Variants in ZNF140 observed in about 807,000 individuals in gnomAD.
ZNF140 encodes zinc finger protein 140 (clone pHZ-39).
Under a neutral mutation model 12.9 loss-of-function variants are expected in ZNF140, and 13 were observed. The observed-to-expected ratio is 1.01, with a 90% confidence interval of 0.66 to 1.60. The LOEUF is 1.60. Ranked by LOEUF, ZNF140 falls within the 40% of genes most tolerant of loss-of-function variation. The pLI, the probability that ZNF140 is intolerant of heterozygous loss-of-function variation, is 0.00. For missense variants in ZNF140, 531 were observed against 548.8 expected, an observed-to-expected ratio of 0.97 and a Z score of 0.32; for synonymous variants, 214 against 186.7, an observed-to-expected ratio of 1.15 and a Z score of -1.19.
At position 133,098,492 on chromosome 12, in the gene ZNF140, G is replaced by C. The variant is rs369073605; in HGVS notation, c.233-7018G>C. Among the ~76,000 whole-genome samples, 3 of 152,100 alleles carry C rather than the reference G, an allele frequency of 2.0e-5. No homozygotes were observed. The South Asian group carries it at 6.2e-4, about 32-fold the overall frequency. ...TGACCTTAAGTAATCCACCTGCCTTGGCCTCCCAAAGTGCTAGGATTACAG... is the reference window on the plus strand; with the variant it reads ...TGACCTTAAGTAATCCACCTGCCTTCGCCTCCCAAAGTGCTAGGATTACAG... On this transcript the variant is annotated intron_variant, in intron 4 of 4. Transcript: ENST00000355557.
intron 4 of ZNF140, among the ~76,000 whole-genome samples, chr12:133,091,420 A>T (rs1434444931): frequency 6.6e-6 from 1 of 151,458 alleles, no homozygotes; most frequent in East Asian, 1.9e-4. Flanking sequence ...GGGGAAAGCT[A>T]CAAATTAACA....
At chr12:133,095,631 C>G (rs1046127813) in intron 4 of ZNF140, among the ~76,000 whole-genome samples, 7 of 151,346 alleles carry the variant, frequency 4.6e-5, no homozygotes, top group Non-Finnish European at 8.8e-5. Flanking sequence ...GCACCGGCCT[C>G]TGAGTTCCCT....
intron 4 of ZNF140, among the ~76,000 whole-genome samples, chr12:133,084,996 A>T (rs1037213667): frequency 6.6e-6 from 1 of 152,212 alleles, no homozygotes; most frequent in African/African-American, 2.4e-5. Context: ...AGGAAAAAGG[A>T]AAACATGGAA....
At chr12:133,081,159 C>T (rs981201680) in intron 1 of ZNF140, 87 bp downstream of exon 1, 2 of 335,028 alleles carry the variant, frequency 6.0e-6, no homozygotes, top group Non-Finnish European at 1.2e-5. Context: ...GCGCCCTGCT[C>T]TCTACGTGGG....
intron 2 of ZNF140, 171 bp from the exon 3 acceptor site, chr12:133,082,931 CA>C: frequency 1.1e-6 from 1 of 892,172 alleles, no homozygotes; most frequent in Non-Finnish European, 1.6e-6. Flanking sequence ...AGTTATACAA[CA>C]AAACACAAGA....
Position 133,106,865 on chromosome 12 carries a change from A to AATGCATGCATCTATAATCCAAGCTACTC in ZNF140, c.*215_*216insTGCATGCATCTATAATCCAAGCTACTCA. On this transcript the variant is annotated 3_prime_UTR_variant, in exon 5 of 5. Coordinates refer to ENST00000355557, the MANE Select transcript of ZNF140 (RefSeq NM_003440.4). ...CACTCTTTTATTTTTTTGCAATAAC[A>AATGCATGCATCTATAATCCAAGCTACTC]AGGTGAAATCAATATTGTTGAGAAG... is the stretch of plus-strand genomic sequence containing the variant. 2.4e-6 allele frequency: 1 copy of AATGCATGCATCTATAATCCAAGCTACTC among 416,524 alleles called. No homozygotes were observed. The highest frequency in any genetic ancestry group is 4.2e-6 in the Non-Finnish European group (1 of 235,588). The allele number at this position is 416,524 out of a possible 1,614,324, so 25.8% of individuals were successfully genotyped here.
chr12:133,093,888 C>T lies in ZNF140; in HGVS notation c.232+10327C>T, dbSNP rs962117865. Among the ~76,000 whole-genome samples, 35 of 151,128 alleles carry T rather than the reference C, an allele frequency of 2.3e-4. 1 individual carries two copies. Among genetic ancestry groups the T allele is most frequent in the Middle Eastern group, 3.4e-3 (1 of 292 alleles). On this transcript the variant is annotated intron_variant, in intron 4 of 4. Coordinates refer to ENST00000355557, the MANE Select transcript of ZNF140 (RefSeq NM_003440.4). ...TCTCTTCCTTTTACACGATCTCTCTCGCCAGTCTCACTTTCTGTGTCTTTC... is the reference window on the plus strand; with the variant it reads ...TCTCTTCCTTTTACACGATCTCTCTTGCCAGTCTCACTTTCTGTGTCTTTC...
intron 4 of ZNF140, 22 bp from the exon 5 acceptor site, chr12:133,105,488 C>CT (rs145499725): frequency 0.26 from 389,602 of 1,516,550 alleles, 42,928 homozygotes; most frequent in Non-Finnish European, 0.28. Context: ...GAAACATTCA[C>CT]TTTTTTTTTG....
chr12:133,092,358 T>C (rs1202259058), intron 4 of ZNF140, among the ~76,000 whole-genome samples: 5 of 151,202 alleles, frequency 3.3e-5, no homozygotes, highest in African/African-American at 1.2e-4. Flanking sequence ...GTTGAATCAA[T>C]GCAAGTAAAC....
At chr12:133,096,323 C>T (rs1955125155) in intron 4 of ZNF140, among the ~76,000 whole-genome samples, 1 of 152,048 alleles carries the variant, frequency 6.6e-6, no homozygotes, top group Non-Finnish European at 1.5e-5. Flanking sequence ...TTGTGAGCTC[C>T]AGGTTGGGTC....
chr12:133,102,812 C>T (rs1955400471), intron 4 of ZNF140, among the ~76,000 whole-genome samples: 1 of 151,500 alleles, frequency 6.6e-6, no homozygotes, highest in South Asian at 2.1e-4. Flanking sequence ...TACTGAGTTT[C>T]CTCAAATCCA....
At chr12:133,085,607 T>C (rs918871452) in intron 4 of ZNF140, among the ~76,000 whole-genome samples, 2 of 152,238 alleles carry the variant, frequency 1.3e-5, no homozygotes, top group Non-Finnish European at 2.9e-5. Flanking sequence ...TGGTTTTCTT[T>C]ATTGTTCCAT....
chr12:133,093,248 A>C (rs1168741999), intron 4 of ZNF140, among the ~76,000 whole-genome samples: 1 of 151,186 alleles, frequency 6.6e-6, no homozygotes, highest in South Asian at 2.1e-4. Flanking sequence ...AGGATTATCT[A>C]TCCAAGTAAT....
At chr12:133,088,790 C>T (rs1163523984) in intron 4 of ZNF140, among the ~76,000 whole-genome samples, 1 of 151,472 alleles carries the variant, frequency 6.6e-6, no homozygotes, top group African/African-American at 2.5e-5. Context: ...TTTGCTAATG[C>T]TTTTATTGCT....
Position 133,106,128 on chromosome 12 carries a change from G to A in ZNF140, c.851G>A (p.Ser284Asn). 1.2e-6 allele frequency: 2 copies of A among 1,614,170 alleles called. No individual in the cohort carries two copies. Among genetic ancestry groups the A allele is most frequent in the Non-Finnish European group, 1.7e-6 (2 of 1,180,024 alleles). The change falls in exon 5 of 5, where the codon AGT becomes AAT. Residue 284 changes from serine (S) to asparagine (N), a missense_variant. Ser to Asn is a conservative substitution (Grantham distance 46). Transcript: ENST00000355557. ...AGGAAATGTGGTAAAGCATTTAGCA[G>A]TGGCTCAGAACTCATTCGCCACCAG... is the stretch of plus-strand genomic sequence containing the variant. ...ICRKCGKAFS[S>N]GSELIRHQIT...
chr12:133,104,066 G>T (rs1955468984), intron 4 of ZNF140, among the ~76,000 whole-genome samples: 1 of 152,146 alleles, frequency 6.6e-6, no homozygotes, highest in Admixed American at 6.5e-5. Flanking sequence ...TTCCTTAAAA[G>T]CTTACTGTGA....
At chr12:133,093,532 T>C (rs767075220) in intron 4 of ZNF140, 1 of 694,698 alleles carries the variant, frequency 1.4e-6, no homozygotes, top group South Asian at 1.5e-5. Flanking sequence ...GAAGCTGATT[T>C]ATTTTCTGGT....
In ZNF140 at chr12:133,106,302, C is replaced by T. The variant is rs1257749535; in HGVS notation, c.1025C>T (p.Ser342Leu). 1 of 1,614,204 alleles carries T rather than the reference C, an allele frequency of 6.2e-7. No individual in the cohort carries two copies. ...TGTAGGAAAGCTTTCCGTTGTCACT[C>T]ATTCCTTATTAAACATCAGAGAATT... ...NECRKAFRCHSFLIKHQRIHA... is the reference protein window; with the variant it reads ...NECRKAFRCHLFLIKHQRIHA... Residue 342 changes from serine (S) to leucine (L), a missense_variant, in exon 5 of 5, where the codon TCA becomes TTA. Transcript: ENST00000355557.
rs58610589 is a variant in ZNF140, at chr12:133,100,160, G to GTT, written c.233-5324_233-5323dup. On this transcript the variant is annotated intron_variant, in intron 4 of 4. Coordinates refer to ENST00000355557, the MANE Select transcript of ZNF140 (RefSeq NM_003440.4). ...CATCCAAAAATTTAATGCCTTTTCC[G>GTT]TTTTTTTTTTTTTTTTTTTTTTTTT... 5.0e-3 allele frequency among the ~76,000 whole-genome samples: 306 copies of GTT among 60,984 alleles called. 52 individuals carry two copies. Among genetic ancestry groups the GTT allele is most frequent in the Middle Eastern group, 0.019 (2 of 106 alleles). 40.0% of individuals were successfully genotyped at this position (60,984 alleles called of 152,430 possible).
Sources: allele counts gnomAD v4.1 joint callset (sites outside exome capture counted in the v4.1 genomes callset), GRCh38; gene constraint gnomAD v4.1.1; transcripts MANE v1.5; gene names NCBI Gene and HGNC (gene_info 2026-07-23, HGNC 2026-07-21).